CASK: variants seen among roughly 807,000 people sequenced by gnomAD.
CASK encodes peripheral plasma membrane protein CASK.
A neutral mutation model predicts 82.9 loss-of-function variants in CASK; 4 were observed. The ratio of observed to expected loss-of-function variants is 0.05; its 90% CI spans 0.02 to 0.11. The LOEUF (loss-of-function observed/expected upper bound fraction) is 0.11. Ranked by LOEUF, CASK falls within the 10% of genes least tolerant of loss-of-function variation. CASK has a pLI of 1.00. For missense variants in CASK, 358 were observed against 720.9 expected (o/e 0.50, Z 5.76); for synonymous variants, 259 against 253.5 (o/e 1.02, Z -0.20).
intron 3 of CASK, among the ~76,000 whole-genome samples, chrX:41,775,458 A>C (rs1225207166): frequency 9.4e-6 from 1 of 105,882 alleles, no homozygotes; most frequent in Non-Finnish European, 2.0e-5. Flanking sequence ...TAGTTCAACC[A>C]TTGTGGAAGT....
At chrX:41,527,941 C>T (rs1045293118) in intron 25 of CASK, among the ~76,000 whole-genome samples, 3 of 112,258 alleles carry the variant, frequency 2.7e-5, no homozygotes, top group Non-Finnish European at 5.6e-5. Context: ...GACTGAATTA[C>T]AGATTTTTCT....
At chrX:41,788,780 T>C (rs112291337) in intron 2 of CASK, among the ~76,000 whole-genome samples, 4,768 of 111,667 alleles carry the variant, frequency 0.043, 124 homozygotes, top group Non-Finnish European at 0.064. Flanking sequence ...GAAAAGGTAA[T>C]GAGAATCCTG....
At chrX:41,831,483 G>A (rs1425200317) in intron 2 of CASK, among the ~76,000 whole-genome samples, 7 of 112,248 alleles carry the variant, frequency 6.2e-5, no homozygotes, top group African/African-American at 1.9e-4. Flanking sequence ...TTAGTACATG[G>A]CAGTAATTAA....
intron 3 of CASK, among the ~76,000 whole-genome samples, chrX:41,774,721 A>C (rs111679481): frequency 9.1e-6 from 1 of 109,499 alleles, no homozygotes; most frequent in African/African-American, 3.3e-5. Context: ...AGCCCTCAGA[A>C]ATAATGCCGC....
At chrX:41,718,915 G>A (rs769038222) in intron 5 of CASK, among the ~76,000 whole-genome samples, 7 of 112,207 alleles carry the variant, frequency 6.2e-5, no homozygotes, top group Non-Finnish European at 1.1e-4. Context: ...GCTGGGCTGA[G>A]CAAAGCAGGT....
At chrX:41,649,640 T>C (rs963065676) in intron 8 of CASK, among the ~76,000 whole-genome samples, 1 of 112,031 alleles carries the variant, frequency 8.9e-6, no homozygotes, top group Non-Finnish European at 1.9e-5. Context: ...ATTTCTGTTC[T>C]TTTACATTTG....
At chrX:41,834,674 C>A (rs1040279847) in intron 2 of CASK, among the ~76,000 whole-genome samples, 1 of 111,054 alleles carries the variant, frequency 9.0e-6, no homozygotes, top group Non-Finnish European at 1.9e-5. Context: ...TAAAATAGAC[C>A]CCACTCCCTA....
intron 12 of CASK, among the ~76,000 whole-genome samples, chrX:41,607,331 C>T (rs1427542004): frequency 8.9e-6 from 1 of 111,847 alleles, no homozygotes; most frequent in African/African-American, 3.3e-5. Flanking sequence ...ACTTTGAAAC[C>T]AATTTGGGCT....
intron 18 of CASK, chrX:41,559,459 C>A: frequency 3.9e-6 from 1 of 259,308 alleles, no homozygotes; most frequent in Non-Finnish European, 7.0e-6. Flanking sequence ...AATATTACTG[C>A]AATTATGGCC....
chrX:41,756,212 T>C (rs2068891534), intron 3 of CASK, among the ~76,000 whole-genome samples: 1 of 111,988 alleles, frequency 8.9e-6, no homozygotes, highest in Non-Finnish European at 1.9e-5. Context: ...ATATTGACAC[T>C]AGGACAGACA....
intron 9 of CASK, chrX:41,635,707 C>CTTTTTTT (rs201709660): frequency 2.6e-5 from 2 of 76,718 alleles, no homozygotes; most frequent in Non-Finnish European, 2.5e-5. Context: ...TCTTCTTCTT[C>CTTTTTTT]TTTTTTTTTT....
At chrX:41,756,646 A>G (rs2068900928) in intron 3 of CASK, among the ~76,000 whole-genome samples, 1 of 112,502 alleles carries the variant, frequency 8.9e-6, no homozygotes, top group East Asian at 2.8e-4. Flanking sequence ...TTGAGTGCTT[A>G]CTACGTGAAA....
At chrX:41,633,819 G>C (rs910180421) in intron 9 of CASK, among the ~76,000 whole-genome samples, 1 of 108,972 alleles carries the variant, frequency 9.2e-6, no homozygotes, top group Non-Finnish European at 1.9e-5. Flanking sequence ...GAGTGCAGTG[G>C]CGTGATCTTG....
chrX:41,520,451 G>T lies in CASK; in HGVS notation c.2750C>A (p.Pro917Gln), dbSNP rs747709297. 1 of 1,207,961 alleles carries T rather than the reference G, an allele frequency of 8.3e-7. No homozygotes were observed. The highest frequency in any genetic ancestry group is 1.8e-5 in the African/African-American group (1 of 57,078). Residue 917 changes from proline to glutamine, a missense_variant, in exon 27 of 27, where the codon CCA (proline) becomes CAA (glutamine). Transcript: ENST00000378163. Reference protein sequence around the residue: ...EEAVELVCTAPQWVPVSWVY With the variant: ...EEAVELVCTAQQWVPVSWVY ...GACCCAGGAGACAGGGACCCACTGTGGGGCTGTGCACACGAGCTCAACAGC... is the reference window on the plus strand; with the variant it reads ...GACCCAGGAGACAGGGACCCACTGTTGGGCTGTGCACACGAGCTCAACAGC...
intron 25 of CASK, chrX:41,529,577 G>A (rs895430832): frequency 3.5e-5 from 4 of 113,979 alleles, no homozygotes; most frequent in African/African-American, 1.3e-4. Flanking sequence ...CCCAAGGAGA[G>A]GATGTCGAAG....
intron 5 of CASK, among the ~76,000 whole-genome samples, chrX:41,709,224 G>A (rs776585537): frequency 7.2e-5 from 8 of 111,846 alleles, no homozygotes; most frequent in Admixed American, 9.5e-5. Context: ...GAGAATCATC[G>A]AAGAATGTCA....
chrX:41,583,912 A>AT (rs1451267241), intron 14 of CASK: 1 of 110,764 alleles, frequency 9.0e-6, no homozygotes, highest in East Asian at 2.9e-4. Context: ...TGGCTAGTTT[A>AT]TTTTTAATTT....
At chrX:41,559,448 A>G (rs2065197796) in intron 18 of CASK, 1 of 243,318 alleles carries the variant, frequency 4.1e-6, no homozygotes, top group South Asian at 8.4e-5. Flanking sequence ...AACTTCCTGG[A>G]AATATTACTG....
At chrX:41,799,834 G>C (rs2069953539) in intron 2 of CASK, among the ~76,000 whole-genome samples, 1 of 104,180 alleles carries the variant, frequency 9.6e-6, no homozygotes, top group African/African-American at 3.5e-5. Flanking sequence ...CCAAAGAACT[G>C]TTTTAAGGAG....
Sources: allele counts gnomAD v4.1 joint callset (sites outside exome capture counted in the v4.1 genomes callset), GRCh38; gene constraint gnomAD v4.1.1; transcripts MANE v1.5; gene names NCBI Gene and HGNC (gene_info 2026-07-23, HGNC 2026-07-21).